The following MYO15A variants were observed in gnomAD, a reference collection of about 807,000 sequenced individuals.
MYO15A encodes the protein unconventional myosin-XV.
Under a neutral mutation model 394.6 loss-of-function variants are expected in MYO15A, and 308 were observed. The ratio of observed to expected loss-of-function variants is 0.78; its 90% CI spans 0.71 to 0.86. The LOEUF is 0.86. Among genes scored for constraint, MYO15A ranks in the 40% least tolerant of loss-of-function variants. The pLI is 0.00. For missense variants in MYO15A, 4,606 were observed against 4,799.1 expected, an observed-to-expected ratio of 0.96 and a Z score of 1.19; for synonymous variants, 1,957 against 2,003.8, an observed-to-expected ratio of 0.98 and a Z score of 0.62.
intron 7 of MYO15A, 40 bp downstream of exon 7, chr17:18,127,205 C>A: frequency 6.2e-7 from 1 of 1,607,406 alleles, no homozygotes; most frequent in South Asian, 1.1e-5. Context: ...GGCTGAACAC[C>A]CTTTGATAAG....
At position 18,155,435 on chromosome 17, in the gene MYO15A, G is replaced by T; in HGVS notation, c.8459+3G>T. 6.2e-7 allele frequency: 1 copy of T among 1,611,846 alleles called. No homozygotes were observed. Among genetic ancestry groups the T allele is most frequent in the South Asian group, 1.1e-5 (1 of 90,982 alleles). On this transcript the variant is annotated splice_donor_region_variant and intron_variant, in intron 47 of 65. Coordinates refer to ENST00000647165, the MANE Select transcript of MYO15A (RefSeq NM_016239.4). ...CTGCGGGTCCTGCGTGCATACAGGT[G>T]ACCAGCAGGGGTGAAGTGGGGCTGG...
chr17:18,176,372 G>A (rs946248138), intron 65 of MYO15A, among the ~76,000 whole-genome samples: 2 of 151,842 alleles, frequency 1.3e-5, no homozygotes, highest in African/African-American at 4.8e-5. Context: ...AAGAGAGAGA[G>A]GGCCCAAACA....
At chr17:18,144,426 C>A in intron 28 of MYO15A, 71 bp from the exon 29 acceptor site, 1 of 1,373,282 alleles carries the variant, frequency 7.3e-7, no homozygotes, top group Non-Finnish European at 1.0e-6. Flanking sequence ...CCCCATGTGG[C>A]ACAGAGCAGT....
intron 1 of MYO15A, among the ~76,000 whole-genome samples, chr17:18,111,362 AAAAAC>A (rs2045718643): frequency 7.2e-6 from 1 of 138,638 alleles, no homozygotes; most frequent in Non-Finnish European, 1.6e-5. Context: ...AAAAAAAAAA[AAAAAC>A]AAAGTCTGTG....
chr17:18,159,397 AC>A (rs1336237777), intron 54 of MYO15A, 50 bp downstream of exon 54: 1 of 1,599,992 alleles, frequency 6.3e-7, no homozygotes, highest in East Asian at 2.2e-5. Context: ...GGGATCCAGC[AC>A]TGTGTGATCT....
chr17:18,121,095 G>A lies in MYO15A; in HGVS notation c.2295G>A (p.Ser765=), dbSNP rs2045917171. Reference sequence around the variant, plus strand: ...TCCCCGGGGCCTCTCCACGGGCGTCGCGGAGGCGAGCTTGGTCACCGCTGG... The same window carrying A: ...TCCCCGGGGCCTCTCCACGGGCGTCACGGAGGCGAGCTTGGTCACCGCTGG... ...FGFPGASPRA[S]RRRAWSPLAS... The change falls in exon 2 of 66, where the codon TCG becomes TCA. Residue 765 remains serine (S), a synonymous_variant. Transcript: ENST00000647165. The surrounding 1 kb of genome is among the most constrained non-coding windows in gnomAD (Gnocchi z 5.3). 6.7e-7 allele frequency: 1 copy of A among 1,502,532 alleles called. No individual in the cohort carries two copies. Among genetic ancestry groups the A allele is most frequent in the Non-Finnish European group, 8.8e-7 (1 of 1,130,114 alleles). 93.1% of individuals were successfully genotyped at this position (1,502,532 alleles called of 1,614,324 possible). A position where few individuals can be genotyped will look rare whatever the true frequency, so the allele number is the denominator to read the frequency against.
In MYO15A at chr17:18,143,613, G is replaced by A. The variant is rs727504916; in HGVS notation, c.5958G>A (p.Glu1986=). The change falls in exon 26 of 66, where the codon GAG becomes GAA. Residue 1986 remains glutamate (E), a synonymous_variant. Transcript: ENST00000647165. The part of the protein sequence containing the change: ...RCQVEGALLW[E]QEELSKREVV... ...AGGTGGAGGGGGCGCTGCTGTGGGA[G>A]CAGGAGGTGGGTGTGGGTCTGGGTG... is the stretch of plus-strand genomic sequence containing the variant. 11 of 1,567,184 alleles carry A rather than the reference G, an allele frequency of 7.0e-6. No homozygotes were observed. The highest frequency in any genetic ancestry group is 9.5e-6 in the Non-Finnish European group (11 of 1,155,440).
chr17:18,161,143 A>T, intron 56 of MYO15A, 174 bp from the exon 57 acceptor site: 1 of 1,054,604 alleles, frequency 9.5e-7, no homozygotes, highest in Non-Finnish European at 1.4e-6. Flanking sequence ...CCTATCCCCA[A>T]TCCTGACTTC....
In MYO15A at chr17:18,131,366, TCC is replaced by T. The variant is rs566124080; in HGVS notation, c.4142+26_4142+27del. 1.7e-3 allele frequency: 2,808 copies of T among 1,613,506 alleles called. 2 individuals carry two copies. Among genetic ancestry groups the T allele is most frequent in the Non-Finnish European group, 2.2e-3 (2,602 of 1,179,472 alleles). On this transcript the variant is annotated intron_variant, in intron 9 of 65. Coordinates refer to ENST00000647165, the MANE Select transcript of MYO15A (RefSeq NM_016239.4). ...GGGTGAGTTGGGACAGTGGAGGGCCTCCCAAAAGCCTTGCAGTGTCTTCCATG... is the reference window on the plus strand; with the variant it reads ...GGGTGAGTTGGGACAGTGGAGGGCCTCAAAAGCCTTGCAGTGTCTTCCATG...
intron 12 of MYO15A, among the ~76,000 whole-genome samples, chr17:18,134,469 AG>A (rs1177852871): frequency 6.6e-6 from 1 of 152,192 alleles, no homozygotes; most frequent in African/African-American, 2.4e-5. Context: ...GGATTTTGTG[AG>A]TTTTAAAAAA....
rs540393046 is a variant in MYO15A at position 18,138,225 on chromosome 17, C to T, written c.4986C>T (p.Asp1662=). 2.4e-5 allele frequency: 38 copies of T among 1,613,366 alleles called. No homozygotes were observed. Among genetic ancestry groups the T allele is most frequent in the South Asian group, 1.8e-4 (16 of 91,080 alleles). Residue 1662 remains aspartate, a synonymous_variant, in exon 17 of 66, where the codon GAC becomes GAT. Coordinates refer to ENST00000647165, the MANE Select transcript of MYO15A (RefSeq NM_016239.4). ...LKPYGILRIL[D]DQCCFPQATD... ...CTTATGGCATCCTGCGGATCCTTGA[C>T]GACCAGTGTTGCTTTCCCCAGGTGA... is the stretch of plus-strand genomic sequence containing the variant.
Position 18,160,000 on chromosome 17 carries a change from C to CA in MYO15A, c.9371dup (p.Asn3124LysfsTer27), listed in dbSNP as rs2046752611. ...GCCAAGTTGTGAAGCAGATCACAGA[C>CA]AATACCAGCTCCAAGCAGTGAGTGA... On this transcript the variant is annotated frameshift_variant, in exon 56 of 66. Transcript: ENST00000647165. LOFTEE classifies it high-confidence loss of function. 6.2e-7 allele frequency: 1 copy of CA among 1,612,712 alleles called. No individual in the cohort carries two copies. The highest frequency in any genetic ancestry group is 8.5e-7 in the Non-Finnish European group (1 of 1,180,004).
intron 52 of MYO15A, 74 bp downstream of exon 52, chr17:18,158,712 T>G: frequency 1.3e-6 from 2 of 1,557,140 alleles, no homozygotes; most frequent in Middle Eastern, 3.4e-4. Flanking sequence ...AACTGCAGGC[T>G]GTCAGTCTCG....
At chr17:18,126,685 G>A in intron 5 of MYO15A, 106 bp from the exon 6 acceptor site, 1 of 1,342,220 alleles carries the variant, frequency 7.5e-7, no homozygotes. Flanking sequence ...AGGGTGAGGG[G>A]TGGGCAGGAT....
intron 11 of MYO15A, 129 bp from the exon 12 acceptor site, chr17:18,133,096 C>T (rs2046197104): frequency 2.2e-6 from 2 of 916,452 alleles, no homozygotes; most frequent in Admixed American, 4.0e-5. Flanking sequence ...CCTCCGTGCC[C>T]ATGAGAGTGA....
At position 18,141,646 on chromosome 17, in the gene MYO15A, C is replaced by G; in HGVS notation, c.5532-7C>G. On this transcript the variant is annotated splice_region_variant and splice_polypyrimidine_tract_variant and intron_variant, in intron 22 of 65. Coordinates refer to ENST00000647165, the MANE Select transcript of MYO15A (RefSeq NM_016239.4). The stretch of plus-strand genomic sequence containing the variant: ...TAGCCCCAGACTAACTTTGGGCCCC[C>G]TACCAGGTACTGCTGTCTAGTGGCC... 6.2e-7 allele frequency: 1 copy of G among 1,613,570 alleles called. No homozygotes were observed. Among genetic ancestry groups the G allele is most frequent in the Middle Eastern group, 1.6e-4 (1 of 6,062 alleles).
chr17:18,110,273 G>C (rs2142218914), intron 1 of MYO15A: 1 of 152,322 alleles, frequency 6.6e-6, no homozygotes, highest in South Asian at 2.1e-4. Flanking sequence ...CATGCTCCCA[G>C]CTGTGTCATT....
chr17:18,111,341 G>GAA (rs57095827), intron 1 of MYO15A, among the ~76,000 whole-genome samples: 26 of 118,974 alleles, frequency 2.2e-4, no homozygotes, highest in African/African-American at 5.2e-4. Context: ...TCTCAAAAGA[G>GAA]AAAAAAAAAA....
chr17:18,126,324 T>TGA, intron 4 of MYO15A, 23 bp from the exon 5 acceptor site: 1 of 1,605,982 alleles, frequency 6.2e-7, no homozygotes, highest in Non-Finnish European at 8.5e-7. Context: ...GCCACGACGC[T>TGA]GAGGCCACCG....
Sources: gnomAD v4.1 joint callset for allele counts (sites outside exome capture counted in the v4.1 genomes callset) on GRCh38, gnomAD v4.1.1 for gene constraint, Gnocchi (gnomAD v3.1) non-coding constraint, MANE v1.5 for transcripts, NCBI Gene and HGNC (gene_info 2026-07-23, HGNC 2026-07-21) for gene names.